The following CSMD1 variants were observed in gnomAD, a reference collection of about 807,000 sequenced individuals.
CSMD1 encodes the protein CUB and sushi domain-containing protein 1.
In CSMD1, 213 loss-of-function variants were observed where a neutral mutation model predicts 417.5. The ratio of observed to expected loss-of-function variants is 0.51; its 90% CI spans 0.46 to 0.57. CSMD1 has a LOEUF of 0.57. CSMD1 is among the 20% of genes least tolerant of loss of function. The pLI, the probability that CSMD1 is intolerant of heterozygous loss-of-function variation, is 0.00. For synonymous variants in CSMD1, 2,862 were observed against 1,736.8 expected (o/e 1.65, Z -16.11); for missense variants, 6,923 against 4,529.7 (o/e 1.53, Z -15.17).
intron 63 of CSMD1, among the ~76,000 whole-genome samples, chr8:2,956,754 C>A (rs1428669629): frequency 1.3e-5 from 2 of 152,114 alleles, no homozygotes; most frequent in African/African-American, 4.8e-5. Context: ...GCATGCCCAG[C>A]CAAGTTTACA....
intron 5 of CSMD1, among the ~76,000 whole-genome samples, chr8:3,859,069 G>A (rs968301842): frequency 2.0e-5 from 3 of 152,146 alleles, no homozygotes; most frequent in Non-Finnish European, 4.4e-5. Context: ...CATGTGTTAT[G>A]TGATATTCAT....
intron 3 of CSMD1, among the ~76,000 whole-genome samples, chr8:4,253,129 G>T (rs1032658015): frequency 9.2e-5 from 14 of 152,180 alleles, no homozygotes; most frequent in African/African-American, 2.9e-4. Context: ...GATGGATATT[G>T]AATGAGTATT....
At chr8:4,562,178 T>C (rs1051243427) in intron 2 of CSMD1, among the ~76,000 whole-genome samples, 7 of 152,008 alleles carry the variant, frequency 4.6e-5, no homozygotes, top group Admixed American at 4.6e-4. Flanking sequence ...GCATGAGCAG[T>C]AGGAAGAAAC....
At chr8:3,531,949 C>A (rs1461132360) in intron 10 of CSMD1, among the ~76,000 whole-genome samples, 1 of 152,144 alleles carries the variant, frequency 6.6e-6, no homozygotes. Context: ...GCTGAGGACC[C>A]ACCTGCAAAA....
intron 49 of CSMD1, among the ~76,000 whole-genome samples, chr8:3,081,269 G>A (rs1291006476): frequency 6.6e-6 from 1 of 152,148 alleles, no homozygotes; most frequent in Non-Finnish European, 1.5e-5. Flanking sequence ...TAAAGGAGAA[G>A]AACGAATGTC....
At chr8:3,981,317 A>G (rs1287657897) in intron 5 of CSMD1, among the ~76,000 whole-genome samples, 3 of 152,086 alleles carry the variant, frequency 2.0e-5, no homozygotes, top group Non-Finnish European at 4.4e-5. Flanking sequence ...CAAAAGAATG[A>G]TAACAGCGGA....
At chr8:4,221,426 T>C (rs1482571629) in intron 3 of CSMD1, among the ~76,000 whole-genome samples, 1 of 150,686 alleles carries the variant, frequency 6.6e-6, no homozygotes, top group African/African-American at 2.4e-5. Flanking sequence ...CTTGAGAAGC[T>C]ACTGGGTTAA....
At chr8:4,063,815 C>T (rs981351140) in intron 3 of CSMD1, among the ~76,000 whole-genome samples, 1 of 152,138 alleles carries the variant, frequency 6.6e-6, no homozygotes, top group African/African-American at 2.4e-5. Flanking sequence ...TCTGAGAGCA[C>T]TTTGAATGTG....
At chr8:4,869,260 T>C (rs753032199) in intron 1 of CSMD1, among the ~76,000 whole-genome samples, 1 of 152,030 alleles carries the variant, frequency 6.6e-6, no homozygotes. Context: ...GTATATATTA[T>C]CATTTAACAT....
At chr8:3,010,542 C>A (rs959113173) in intron 52 of CSMD1, among the ~76,000 whole-genome samples, 1 of 152,042 alleles carries the variant, frequency 6.6e-6, no homozygotes, top group Non-Finnish European at 1.5e-5. Flanking sequence ...GGCCGCACTC[C>A]GCATCTATGC....
intron 10 of CSMD1, among the ~76,000 whole-genome samples, chr8:3,548,567 T>C (rs1333673360): frequency 6.6e-6 from 1 of 151,594 alleles, no homozygotes; most frequent in Non-Finnish European, 1.5e-5. Flanking sequence ...ATTCCTGAGT[T>C]ACTTCACTTA....
At chr8:3,870,360 C>T (rs548688048) in intron 5 of CSMD1, among the ~76,000 whole-genome samples, 1 of 152,240 alleles carries the variant, frequency 6.6e-6, no homozygotes, top group African/African-American at 2.4e-5. Context: ...TGTAAAAAGA[C>T]CAGTGCCTTA....
intron 1 of CSMD1, among the ~76,000 whole-genome samples, chr8:4,772,235 A>G (rs369168716): frequency 1.3e-5 from 2 of 152,070 alleles, no homozygotes; most frequent in Non-Finnish European, 2.9e-5. Context: ...GGGCTCCTCA[A>G]ATCCTCACAC....
chr8:4,488,249 T>G (rs960013372), intron 2 of CSMD1, among the ~76,000 whole-genome samples: 2 of 152,178 alleles, frequency 1.3e-5, no homozygotes, highest in African/African-American at 2.4e-5. Context: ...TCAAAATGAA[T>G]AAGACTCCCT....
At chr8:4,849,081 T>A (rs921080628) in intron 1 of CSMD1, among the ~76,000 whole-genome samples, 32 of 152,306 alleles carry the variant, frequency 2.1e-4, no homozygotes, top group African/African-American at 7.2e-4. Context: ...CAAAATTTGG[T>A]GGTAGAAGAC....
intron 1 of CSMD1, among the ~76,000 whole-genome samples, chr8:4,770,317 T>A (rs968547153): frequency 1.3e-5 from 2 of 148,276 alleles, no homozygotes; most frequent in African/African-American, 4.9e-5. Flanking sequence ...AATTAGCAAC[T>A]ATATATGTAC....
intron 5 of CSMD1, among the ~76,000 whole-genome samples, chr8:3,831,860 G>T (rs753621218): frequency 7.2e-5 from 11 of 152,106 alleles, no homozygotes; most frequent in Non-Finnish European, 1.3e-4. Context: ...ATATAACATA[G>T]CATCTTTGTG....
chr8:4,717,806 C>A (rs1026588980), intron 1 of CSMD1, among the ~76,000 whole-genome samples: 1 of 152,092 alleles, frequency 6.6e-6, no homozygotes, highest in Non-Finnish European at 1.5e-5. Flanking sequence ...CTATCTGACC[C>A]TTTCAGATCT....
At chr8:3,926,486 A>C (rs1297884713) in intron 5 of CSMD1, among the ~76,000 whole-genome samples, 3 of 151,512 alleles carry the variant, frequency 2.0e-5, no homozygotes, top group African/African-American at 7.3e-5. Context: ...GCATTTCATT[A>C]GTATTTTAAT....
Sources: gnomAD v4.1 joint callset for allele counts (sites outside exome capture counted in the v4.1 genomes callset) on GRCh38, gnomAD v4.1.1 for gene constraint, MANE v1.5 for transcripts, NCBI Gene and HGNC (gene_info 2026-07-23, HGNC 2026-07-21) for gene names.